Variants in GLB1 observed in about 807,000 individuals in gnomAD.
GLB1 encodes the protein beta-galactosidase.
A neutral mutation model predicts 74.0 loss-of-function variants in GLB1; 56 were observed. That is an observed-to-expected ratio of 0.76 (90% CI 0.61 to 0.94). GLB1 has a LOEUF of 0.94. GLB1 is among the 40% of genes least tolerant of loss of function. The pLI is 0.00. For missense variants in GLB1, 787 were observed against 845.5 expected, an observed-to-expected ratio of 0.93 and a Z score of 0.86; for synonymous variants, 323 against 323.6, an observed-to-expected ratio of 1.00 and a Z score of 0.02.
chr3:32,988,174 A>G, the GLB1 span, among the ~76,000 whole-genome samples: 7 of 139,402 alleles, frequency 5.0e-5, no homozygotes, highest in Non-Finnish European at 9.2e-5. Flanking sequence ...TGACAGAGCA[A>G]GACTCCATCT....
intron 4 of GLB1, 52 bp downstream of exon 4, chr3:33,068,178 C>T: frequency 6.2e-7 from 1 of 1,612,956 alleles, no homozygotes; most frequent in Non-Finnish European, 8.5e-7. Context: ...TGAGCCACCG[C>T]ACCTAGGCTG....
At chr3:32,973,489 A>G in the GLB1 span, among the ~76,000 whole-genome samples, 1 of 152,088 alleles carries the variant, frequency 6.6e-6, no homozygotes, top group Non-Finnish European at 1.5e-5. Context: ...GCATGCTTGC[A>G]TGCTACCACA....
chr3:33,013,919 C>G (rs930071500), intron 15 of GLB1, 137 bp downstream of exon 15: 2 of 1,496,416 alleles, frequency 1.3e-6, no homozygotes. Flanking sequence ...CACAATCCGC[C>G]TCCTGAAGAA....
chr3:33,006,341 G>T (rs1696787994), intron 15 of GLB1, among the ~76,000 whole-genome samples: 1 of 152,196 alleles, frequency 6.6e-6, no homozygotes, highest in African/African-American at 2.4e-5. Flanking sequence ...GAGGGATATA[G>T]GCTGTGCACT....
At chr3:33,039,770 G>A (rs1698428459) in intron 10 of GLB1, among the ~76,000 whole-genome samples, 1 of 152,120 alleles carries the variant, frequency 6.6e-6, no homozygotes, top group South Asian at 2.1e-4. Context: ...GATTTAGGAA[G>A]TTCAAACACC....
At chr3:32,987,999 C>G in the GLB1 span, among the ~76,000 whole-genome samples, 1 of 151,916 alleles carries the variant, frequency 6.6e-6, no homozygotes, top group Non-Finnish European at 1.5e-5. Context: ...ACCTGACTAA[C>G]ATGGTGAAAC....
At chr3:33,016,879 T>C (rs1187865284) in intron 13 of GLB1, 39 bp from the exon 14 acceptor site, 1 of 1,610,372 alleles carries the variant, frequency 6.2e-7, no homozygotes, top group South Asian at 1.1e-5. Context: ...GAATTGAGGG[T>C]AAGAAGGTCA....
At chr3:33,044,082 A>C (rs901368267) in intron 10 of GLB1, among the ~76,000 whole-genome samples, 3 of 152,182 alleles carry the variant, frequency 2.0e-5, no homozygotes, top group Non-Finnish European at 4.4e-5. Flanking sequence ...ACCATTAATA[A>C]ACTTAATCTG....
At chr3:33,031,634 AAAAAAAATATATATATATATATATATAT>A (rs1249547527) in intron 10 of GLB1, among the ~76,000 whole-genome samples, 1 of 64,186 alleles carries the variant, frequency 1.6e-5, no homozygotes, top group Non-Finnish European at 3.0e-5. Flanking sequence ...AAAAAAAAAA[AAAAAAAATATATATATATATATATATAT>A]ATATATATAT....
At chr3:33,057,320 A>T (rs1699261781) in intron 6 of GLB1, among the ~76,000 whole-genome samples, 1 of 152,226 alleles carries the variant, frequency 6.6e-6, no homozygotes, top group Admixed American at 6.5e-5. Context: ...TGAGTCCATT[A>T]AACCTCTTTT....
chr3:33,040,745 A>C (rs1177479816), intron 10 of GLB1, among the ~76,000 whole-genome samples: 2 of 152,220 alleles, frequency 1.3e-5, no homozygotes, highest in South Asian at 2.1e-4. Flanking sequence ...GAGACAAAGA[A>C]AGACTCTGCA....
intron 10 of GLB1, among the ~76,000 whole-genome samples, chr3:33,033,594 T>A (rs1575431265): frequency 6.6e-6 from 1 of 151,724 alleles, no homozygotes; most frequent in African/African-American, 2.4e-5. Flanking sequence ...ACCAGCCTGG[T>A]CAACATGGTG....
intron 10 of GLB1, chr3:33,029,968 A>AG (rs1351345793): frequency 6.6e-6 from 1 of 151,896 alleles, no homozygotes; most frequent in African/African-American, 2.4e-5. Flanking sequence ...AAAAAAAAAA[A>AG]AAAGAAAAGT....
chr3:32,968,461 C>A, the GLB1 span, among the ~76,000 whole-genome samples: 1 of 152,178 alleles, frequency 6.6e-6, no homozygotes, highest in Admixed American at 6.5e-5. Context: ...AAGCTCAAAT[C>A]TGCTCTAAAA....
intron 1 of GLB1, chr3:33,092,713 C>T: frequency 6.8e-7 from 1 of 1,471,184 alleles, no homozygotes; most frequent in Non-Finnish European, 9.0e-7. Flanking sequence ...GGCTTGTGAC[C>T]AAGGGTGTGT....
In GLB1 at chr3:33,058,265, T is replaced by G. The variant is rs779023917; in HGVS notation, c.557A>C (p.Glu186Ala). 2.9e-5 allele frequency: 47 copies of G among 1,614,058 alleles called. No homozygotes were observed. Among genetic ancestry groups the G allele is most frequent in the Non-Finnish European group, 3.8e-5 (45 of 1,180,054 alleles). ...NGGPVITVQV[E>A]NEYGSYFACD... ...GGCAAAGTAGCTGCCATATTCATTTTCAACCTGTGAGTGAAAAAAGAGCAG... is the reference window on the plus strand; with the variant it reads ...GGCAAAGTAGCTGCCATATTCATTTGCAACCTGTGAGTGAAAAAAGAGCAG... The change falls in exon 6 of 16, where the codon GAA becomes GCA. Residue 186 changes from glutamate to alanine, a missense_variant. Coordinates refer to ENST00000307363, the MANE Select transcript of GLB1 (RefSeq NM_000404.4).
chr3:33,044,347 A>G (rs1698659208), intron 10 of GLB1, among the ~76,000 whole-genome samples: 1 of 152,204 alleles, frequency 6.6e-6, no homozygotes, highest in African/African-American at 2.4e-5. Flanking sequence ...ATATGTTTAG[A>G]AGCAAACAGT....
chr3:33,074,898 G>A (rs1270881878), intron 1 of GLB1, among the ~76,000 whole-genome samples: 1 of 152,166 alleles, frequency 6.6e-6, no homozygotes, highest in Non-Finnish European at 1.5e-5. Flanking sequence ...TCCAACTGGC[G>A]AGCGGAAGTT....
chr3:32,999,134 G>A (rs1575394602), intron 15 of GLB1, among the ~76,000 whole-genome samples: 1 of 152,284 alleles, frequency 6.6e-6, no homozygotes, highest in Admixed American at 6.5e-5. Flanking sequence ...AAAACCACCT[G>A]TCTGTTGGAT....
Sources: gnomAD v4.1 joint callset for allele counts (sites outside exome capture counted in the v4.1 genomes callset) on GRCh38, gnomAD v4.1.1 for gene constraint, MANE v1.5 for transcripts, NCBI Gene and HGNC (gene_info 2026-07-23, HGNC 2026-07-21) for gene names.